Variants in THSD7A observed in about 807,000 individuals in gnomAD.
THSD7A encodes thrombospondin type-1 domain-containing protein 7A.
Under a neutral mutation model 231.3 loss-of-function variants are expected in THSD7A, and 96 were observed. The observed-to-expected ratio is 0.41, with a 90% confidence interval of 0.35 to 0.49. THSD7A has a LOEUF of 0.49. Ranked by LOEUF, THSD7A falls within the 20% of genes least tolerant of loss-of-function variation. THSD7A has a pLI of 0.05. For synonymous variants in THSD7A, 940 were observed against 743.3 expected, an observed-to-expected ratio of 1.26 and a Z score of -4.30; for missense variants, 2,290 against 2,070.2, an observed-to-expected ratio of 1.11 and a Z score of -2.06.
chr7:11,583,801 G>T (rs1791274784), intron 4 of THSD7A, among the ~76,000 whole-genome samples: 1 of 152,138 alleles, frequency 6.6e-6, no homozygotes, highest in African/African-American at 2.4e-5. Context: ...CCAGTGGAAT[G>T]ATATAATTTC....
chr7:11,636,107 G>A lies in THSD7A; in HGVS notation c.1022+23C>T, dbSNP rs751747412. 1 of 1,585,194 alleles carries A rather than the reference G, an allele frequency of 6.3e-7. No homozygotes were observed. The highest frequency in any genetic ancestry group is 8.6e-7 in the Non-Finnish European group (1 of 1,162,176). ...GATTCTTGACAGACAAGCCTGTGTA[G>A]TTAACAGTAATTAAAATGTTACCTT... On this transcript the variant is annotated intron_variant, in intron 2 of 27. Coordinates refer to ENST00000423059, the MANE Select transcript of THSD7A (RefSeq NM_015204.3). The surrounding 1 kb of genome is among the most constrained non-coding windows in gnomAD (Gnocchi z 10.0).
In THSD7A at chr7:11,377,097, CTT is replaced by C. The variant is rs1204290198; in HGVS notation, c.4802-442_4802-441del. On this transcript the variant is annotated intron_variant, in intron 26 of 27. Coordinates refer to ENST00000423059, the MANE Select transcript of THSD7A (RefSeq NM_015204.3). The surrounding 1 kb of genome is among the most constrained non-coding windows in gnomAD (Gnocchi z 4.5). The stretch of plus-strand genomic sequence containing the variant: ...ATGCATATAGGTATTTAAACAAAAA[CTT>C]TGTCATTTTTATTCCAGGTAAAATG... 1 of 152,106 alleles carries C rather than the reference CTT, an allele frequency of 6.6e-6. No individual in the cohort carries two copies. The highest frequency in any genetic ancestry group is 2.4e-5 in the African/African-American group (1 of 41,374). The allele number at this position is 152,106 out of a possible 1,614,324, so 9.4% of individuals were successfully genotyped here.
chr7:11,658,283 T>C (rs1782784853), intron 1 of THSD7A, among the ~76,000 whole-genome samples: 1 of 151,786 alleles, frequency 6.6e-6, no homozygotes. Flanking sequence ...TAACATGATT[T>C]TCCTACTGGT....
At chr7:11,756,879 T>C (rs1583262832) in intron 1 of THSD7A, among the ~76,000 whole-genome samples, 1 of 151,922 alleles carries the variant, frequency 6.6e-6, no homozygotes, top group East Asian at 1.9e-4. Context: ...TAGCCTGAAG[T>C]TGTTTCTAGG....
chr7:11,794,875 T>C (rs1029197342), intron 1 of THSD7A, among the ~76,000 whole-genome samples: 15 of 152,094 alleles, frequency 9.9e-5, no homozygotes, highest in African/African-American at 3.6e-4. Context: ...TGAGCTATAT[T>C]TAGGGACAAA....
At chr7:11,778,156 C>CAAAAAAAAAAAAAAAAAAAAAAAAA (rs57740181) in intron 1 of THSD7A, among the ~76,000 whole-genome samples, 3 of 45,062 alleles carry the variant, frequency 6.7e-5, no homozygotes, top group African/African-American at 2.1e-4. Flanking sequence ...GACTCCGTCT[C>CAAAAAAAAAAAAAAAAAAAAAAAAA]AAAAAAAAAA....
At chr7:11,611,602 G>C (rs553629693) in intron 2 of THSD7A, among the ~76,000 whole-genome samples, 2 of 151,650 alleles carry the variant, frequency 1.3e-5, no homozygotes, top group East Asian at 3.9e-4. Context: ...GTCCAGAAAA[G>C]CTACTATGAA....
At chr7:11,383,133 A>G (rs2115304400) in intron 23 of THSD7A, among the ~76,000 whole-genome samples, 1 of 151,974 alleles carries the variant, frequency 6.6e-6, no homozygotes, top group Admixed American at 6.6e-5. Flanking sequence ...TTTTTTCACT[A>G]TACACACACG....
Position 11,636,662 on chromosome 7 carries a change from C to G in THSD7A, c.490G>C (p.Asp164His). Residue 164 changes from aspartate to histidine, a missense_variant, in exon 2 of 28, where the codon GAC (aspartate) becomes CAC (histidine). Physicochemically the swap from Asp to His is moderately conservative, Grantham distance 81. Transcript: ENST00000423059. The surrounding 1 kb of genome is among the most constrained non-coding windows in gnomAD (Gnocchi z 10.0). ...QVREIACIQKDKDIPAEDIIC... is the reference protein window; with the variant it reads ...QVREIACIQKHKDIPAEDIIC... Reference sequence around the variant, plus strand: ...ATATCCTCCGCAGGAATGTCTTTGTCTTTCTGGATGCACGCTATCTCCCTC... The same window carrying G: ...ATATCCTCCGCAGGAATGTCTTTGTGTTTCTGGATGCACGCTATCTCCCTC... 12 of 1,613,996 alleles carry G rather than the reference C, an allele frequency of 7.4e-6. No homozygotes were observed. The highest frequency in any genetic ancestry group is 1.0e-5 in the Non-Finnish European group (12 of 1,179,894).
intron 22 of THSD7A, among the ~76,000 whole-genome samples, chr7:11,403,445 G>A (rs1352148028): frequency 6.6e-6 from 1 of 152,116 alleles, no homozygotes; most frequent in Non-Finnish European, 1.5e-5. Flanking sequence ...AAACTAGAAA[G>A]AATTTCTAAA....
rs1782236089 is a variant in THSD7A at position 11,375,584 on chromosome 7, C to T, written c.*210G>A. 2 of 391,596 alleles carry T rather than the reference C, an allele frequency of 5.1e-6. No homozygotes were observed. The highest frequency in any genetic ancestry group is 9.1e-6 in the Non-Finnish European group (2 of 220,022). The allele number at this position is 391,596 out of a possible 1,614,324, so 24.3% of individuals were successfully genotyped here. A position where few individuals can be genotyped will look rare whatever the true frequency, so the allele number is the denominator to read the frequency against. On this transcript the variant is annotated 3_prime_UTR_variant, in exon 28 of 28. Transcript: ENST00000423059. ...TGCAGCATGTATTCAGCTAAATCTCCTATAATTCTCACGGTTGATGGTCTG... is the reference window on the plus strand; with the variant it reads ...TGCAGCATGTATTCAGCTAAATCTCTTATAATTCTCACGGTTGATGGTCTG...
At chr7:11,487,291 C>T (rs1168177796) in intron 6 of THSD7A, among the ~76,000 whole-genome samples, 1 of 151,980 alleles carries the variant, frequency 6.6e-6, no homozygotes, top group East Asian at 1.9e-4. Context: ...ATGAAGACTA[C>T]CATAGAAACA....
intron 1 of THSD7A, among the ~76,000 whole-genome samples, chr7:11,744,419 T>A (rs997784420): frequency 2.6e-5 from 4 of 151,184 alleles, no homozygotes; most frequent in Admixed American, 2.0e-4. Context: ...ATACCAGGTT[T>A]TTTTATTATT....
chr7:11,708,945 A>G (rs1780858846), intron 1 of THSD7A, among the ~76,000 whole-genome samples: 1 of 150,806 alleles, frequency 6.6e-6, no homozygotes, highest in Non-Finnish European at 1.5e-5. Flanking sequence ...ATAGCACTAT[A>G]CGGTCAATGC....
rs1431749670 is a variant in THSD7A at position 11,546,202 on chromosome 7, GCTCACACA to G, written c.1454-3093_1454-3086del. On this transcript the variant is annotated intron_variant, in intron 4 of 27. Transcript: ENST00000423059. ...TCTGTTGTTGCTGGTGTGGGCGCGC[GCTCACACA>G]CACACACACACACACACACACGTGG... 5.4e-5 allele frequency among the ~76,000 whole-genome samples: 7 copies of G among 129,452 alleles called. No homozygotes were observed. In the South Asian group the frequency reaches 6.9e-4, roughly 13 times the overall value. 84.9% of individuals were successfully genotyped at this position (129,452 alleles called of 152,430 possible).
intron 1 of THSD7A, among the ~76,000 whole-genome samples, chr7:11,788,674 T>C (rs1207878860): frequency 6.6e-6 from 1 of 152,058 alleles, no homozygotes; most frequent in Non-Finnish European, 1.5e-5. Context: ...GAGTTGTGGA[T>C]AAACTCACAG....
intron 1 of THSD7A, among the ~76,000 whole-genome samples, chr7:11,798,439 C>G (rs1416722756): frequency 6.6e-6 from 1 of 151,216 alleles, no homozygotes; most frequent in Non-Finnish European, 1.5e-5. Flanking sequence ...TCATCGCACT[C>G]TAGCCTGGGC....
intron 2 of THSD7A, among the ~76,000 whole-genome samples, chr7:11,614,892 AAT>A (rs1447519045): frequency 1.3e-5 from 2 of 152,210 alleles, no homozygotes. Flanking sequence ...GGAGAAGGTG[AAT>A]ATATTTTCCT....
intron 23 of THSD7A, among the ~76,000 whole-genome samples, chr7:11,398,021 C>T (rs925492942): frequency 6.6e-6 from 1 of 152,074 alleles, no homozygotes; most frequent in African/African-American, 2.4e-5. Context: ...TTGGACCCAG[C>T]AATCCCATTA....
Sources: allele counts gnomAD v4.1 joint callset (sites outside exome capture counted in the v4.1 genomes callset), GRCh38; gene constraint gnomAD v4.1.1; non-coding constraint Gnocchi (gnomAD v3.1); transcripts MANE v1.5; gene names NCBI Gene and HGNC (gene_info 2026-07-23, HGNC 2026-07-21).